KLHDC3: variants seen among roughly 807,000 people sequenced by gnomAD.
KLHDC3 encodes kelch domain containing 3.
In KLHDC3, 5 loss-of-function variants were observed where a neutral mutation model predicts 44.1. That is an observed-to-expected ratio of 0.11 (90% CI 0.06 to 0.24). The LOEUF is 0.24. Ranked by LOEUF, KLHDC3 falls within the 10% of genes least tolerant of loss-of-function variation. The pLI is 1.00. For missense variants in KLHDC3, 247 were observed against 514.3 expected (o/e 0.48, Z 5.03); for synonymous variants, 170 against 189.0 (o/e 0.90, Z 0.82).
chr6:43,020,395 C>G (rs1209636062), intron 10 of KLHDC3, among the ~76,000 whole-genome samples: 1 of 152,120 alleles, frequency 6.6e-6, no homozygotes, highest in Non-Finnish European at 1.5e-5. Context: ...ATACACAGAT[C>G]TCAGGTGCCT....
rs1762500723 is a variant in KLHDC3, at chr6:43,014,281, G to C, written c.-127G>C. 1.3e-6 allele frequency: 1 copy of C among 779,452 alleles called. No individual in the cohort carries two copies. The allele number at this position is 779,452 out of a possible 1,614,324, so 48.3% of individuals were successfully genotyped here. A position where few individuals can be genotyped will look rare whatever the true frequency, so the allele number is the denominator to read the frequency against. On this transcript the variant is annotated 5_prime_UTR_variant, in exon 1 of 11. Coordinates refer to ENST00000326974, the MANE Select transcript of KLHDC3 (RefSeq NM_057161.4). ...TCGTTGGGGACTAAGGCGTCGGTTGGCGCGCAACGGGTTCTAGGCTGCAGG... is the reference window on the plus strand; with the variant it reads ...TCGTTGGGGACTAAGGCGTCGGTTGCCGCGCAACGGGTTCTAGGCTGCAGG...
In KLHDC3 at chr6:43,017,805, G is replaced by A; in HGVS notation, c.332-48G>A. 3 of 1,587,066 alleles carry A rather than the reference G, an allele frequency of 1.9e-6. No homozygotes were observed. ...GTAGAGTACCCCAGAGCTGAGGAGG[G>A]ACTGTCATAGAGGGTGCTTAGTTGA... On this transcript the variant is annotated intron_variant, in intron 3 of 10. Coordinates refer to ENST00000326974, the MANE Select transcript of KLHDC3 (RefSeq NM_057161.4). The surrounding 1 kb of genome is among the most constrained non-coding windows in gnomAD (Gnocchi z 6.0).
intron 1 of KLHDC3, among the ~76,000 whole-genome samples, chr6:43,015,432 T>C (rs1161538331): frequency 6.6e-6 from 1 of 152,154 alleles, no homozygotes; most frequent in Admixed American, 6.6e-5. Context: ...AGGGAGCAGA[T>C]GATGATACAC....
chr6:43,017,578 G>A lies in KLHDC3; in HGVS notation c.214G>A (p.Val72Met). 6.2e-7 allele frequency: 1 copy of A among 1,613,792 alleles called. No individual in the cohort carries two copies. Among genetic ancestry groups the A allele is most frequent in the Non-Finnish European group, 8.5e-7 (1 of 1,179,824 alleles). Reference protein sequence around the residue: ...VKSAIRGQAPVVPYMRYGHST... With the variant: ...VKSAIRGQAPMVPYMRYGHST... Reference sequence around the variant, plus strand: ...GTCTGCCATCCGTGGGCAAGCTCCTGTGGTACCCTACATGCGCTATGGACA... The same window carrying A: ...GTCTGCCATCCGTGGGCAAGCTCCTATGGTACCCTACATGCGCTATGGACA... The change falls in exon 3 of 11, where the codon GTG becomes ATG. Residue 72 changes from valine (V) to methionine (M), a missense_variant. Around this residue, in one of 2 missense-constraint regions of KLHDC3, gnomAD observed 71 missense variants for 100.8 expected, o/e 0.70. Coordinates refer to ENST00000326974, the MANE Select transcript of KLHDC3 (RefSeq NM_057161.4). This position sits in a 1 kb window ranked among gnomAD's most constrained non-coding sequence, Gnocchi z 6.0.
In KLHDC3 at chr6:43,017,492, C is replaced by G. The variant is rs779328559; in HGVS notation, c.155-27C>G. 1.1e-5 allele frequency: 18 copies of G among 1,570,040 alleles called. No homozygotes were observed. Among genetic ancestry groups the G allele is most frequent in the African/African-American group, 2.7e-5 (2 of 74,068 alleles). On this transcript the variant is annotated intron_variant, in intron 2 of 10. Coordinates refer to ENST00000326974, the MANE Select transcript of KLHDC3 (RefSeq NM_057161.4). This position sits in a 1 kb window ranked among gnomAD's most constrained non-coding sequence, Gnocchi z 6.0. Reference sequence around the variant, plus strand: ...AGTGGACAGCCTGGAGGGAGGTTCCCAGGGCTGAGCAGAGCTGTGCCCACA... The same window carrying G: ...AGTGGACAGCCTGGAGGGAGGTTCCGAGGGCTGAGCAGAGCTGTGCCCACA...
chr6:43,017,386 G>A lies in KLHDC3; in HGVS notation c.154+40G>A. On this transcript the variant is annotated intron_variant, in intron 2 of 10. Transcript: ENST00000326974. This position sits in a 1 kb window ranked among gnomAD's most constrained non-coding sequence, Gnocchi z 6.0. ...GGGCTGTCCCTGGGTCCCCACATCA[G>A]GGTGGGAACGGGCTGCTGATGAGGT... The A allele has an allele frequency of 1.3e-6, 2 of 1,591,138 alleles. No individual in the cohort carries two copies. Among genetic ancestry groups the A allele is most frequent in the Non-Finnish European group, 1.7e-6 (2 of 1,165,242 alleles).
Position 43,020,126 on chromosome 6 carries a change from A to G in KLHDC3, c.1083-541A>G, listed in dbSNP as rs925775150. On this transcript the variant is annotated intron_variant, in intron 10 of 10. Transcript: ENST00000326974. ...GGGAGGCGGGGGTTTCAGTGAGTCA[A>G]GATTGTGCCACTGCACCACTGTACT... Among the ~76,000 whole-genome samples, 6 of 152,280 alleles carry G rather than the reference A, an allele frequency of 3.9e-5. No individual in the cohort carries two copies. The South Asian group carries it at 1.2e-3, about 32-fold the overall frequency.
chr6:43,018,706 G>A lies in KLHDC3; in HGVS notation c.807G>A (p.Trp269Ter). 6.2e-7 allele frequency: 1 copy of A among 1,613,934 alleles called. No homozygotes were observed. The highest frequency in any genetic ancestry group is 8.5e-7 in the Non-Finnish European group (1 of 1,179,886). Residue 269 changes from tryptophan to a stop codon, truncating the protein, a stop_gained, in exon 7 of 11, where the codon TGG becomes TGA. Coordinates refer to ENST00000326974, the MANE Select transcript of KLHDC3 (RefSeq NM_057161.4). LOFTEE classifies it high-confidence loss of function. The surrounding 1 kb of genome is among the most constrained non-coding windows in gnomAD (Gnocchi z 6.0). ...TGAACCGGCACTTCCATGACCTCTG[G>A]AAGTTTAATCCTGGTAAAGAGCACT... The part of the protein sequence containing the change: ...ARLNRHFHDL[W>*]KFNPVSFTWK...
Position 43,017,738 on chromosome 6 carries a change from C to T in KLHDC3, c.331+43C>T, listed in dbSNP as rs1237839521. ...AGAGGCTATGTCCTTCCAGATGTTG[C>T]CTCAGTTGCCCAAGAAAGGTTTGGG... is the stretch of plus-strand genomic sequence containing the variant. On this transcript the variant is annotated intron_variant, in intron 3 of 10. Transcript: ENST00000326974. The surrounding 1 kb of genome is among the most constrained non-coding windows in gnomAD (Gnocchi z 6.0). 1.2e-6 allele frequency: 2 copies of T among 1,601,898 alleles called. No individual in the cohort carries two copies. The highest frequency in any genetic ancestry group is 1.7e-6 in the Non-Finnish European group (2 of 1,171,334).
rs1402489995 is a variant in KLHDC3, at chr6:43,017,817, G to C, written c.332-36G>C. The C allele has an allele frequency of 1.3e-6, 2 of 1,593,912 alleles. No homozygotes were observed. The highest frequency in any genetic ancestry group is 4.5e-5 in the East Asian group (2 of 44,738). ...AGAGCTGAGGAGGGACTGTCATAGA[G>C]GGTGCTTAGTTGAGCCATTTTCTCA... is the stretch of plus-strand genomic sequence containing the variant. On this transcript the variant is annotated intron_variant, in intron 3 of 10. Coordinates refer to ENST00000326974, the MANE Select transcript of KLHDC3 (RefSeq NM_057161.4). The surrounding 1 kb of genome is among the most constrained non-coding windows in gnomAD (Gnocchi z 6.0).
Position 43,015,587 on chromosome 6 carries a change from C to T in KLHDC3, c.-60+1239C>T, listed in dbSNP as rs1426002368. Among the ~76,000 whole-genome samples the T allele has an allele frequency of 5.3e-5, 8 of 152,136 alleles. No homozygotes were observed. The East Asian group carries it at 9.7e-4, about 18-fold the overall frequency. On this transcript the variant is annotated intron_variant, in intron 1 of 10. Coordinates refer to ENST00000326974, the MANE Select transcript of KLHDC3 (RefSeq NM_057161.4). ...ATGACCAGCTGGGCATGGTGGCTCA[C>T]GCCTGTAATCCCAGCACTTCAGGAG...
chr6:43,014,463 G>A, intron 1 of KLHDC3, 115 bp downstream of exon 1: 1 of 532,458 alleles, frequency 1.9e-6, no homozygotes, highest in Non-Finnish European at 3.6e-6. Flanking sequence ...TGGGGAGGGA[G>A]CTAGGGGGAT....
intron 1 of KLHDC3, among the ~76,000 whole-genome samples, chr6:43,015,877 CA>C (rs1412433507): frequency 7.0e-6 from 1 of 143,506 alleles, no homozygotes; most frequent in African/African-American, 2.8e-5. Context: ...AAAAAAAGAC[CA>C]TGACTTCTCA....
Position 43,020,838 on chromosome 6 carries a change from C to T in KLHDC3, c.*105C>T, listed in dbSNP as rs1581880680. On this transcript the variant is annotated 3_prime_UTR_variant, in exon 11 of 11. Coordinates refer to ENST00000326974, the MANE Select transcript of KLHDC3 (RefSeq NM_057161.4). ...TTGACCCCTGGACTTGGTATACCTC[C>T]ATGTGGAGTTGTTGGGCGAGAGGTG... is the stretch of plus-strand genomic sequence containing the variant. 2 of 882,498 alleles carry T rather than the reference C, an allele frequency of 2.3e-6. No individual in the cohort carries two copies. The allele number at this position is 882,498 out of a possible 1,614,324, so 54.7% of individuals were successfully genotyped here.
chr6:43,015,255 C>T (rs988267084), intron 1 of KLHDC3, among the ~76,000 whole-genome samples: 6 of 152,154 alleles, frequency 3.9e-5, no homozygotes, highest in Admixed American at 3.9e-4. Context: ...AGGATGGGTC[C>T]CATGGCTATT....
In KLHDC3 at chr6:43,014,335, G is replaced by A; in HGVS notation, c.-73G>A. The A allele has an allele frequency of 1.6e-6, 1 of 615,780 alleles. No individual in the cohort carries two copies. Among genetic ancestry groups the A allele is most frequent in the Non-Finnish European group, 2.9e-6 (1 of 345,356 alleles). The allele number at this position is 615,780 out of a possible 1,614,324, so 38.1% of individuals were successfully genotyped here. A position where few individuals can be genotyped will look rare whatever the true frequency, so the allele number is the denominator to read the frequency against. On this transcript the variant is annotated 5_prime_UTR_variant, in exon 1 of 11. Transcript: ENST00000326974. ...CTCGAGGACCCGCGGCCCCGCCCCG[G>A]CTCGGCCTGGCAGGTAGCCTGGGAT...
rs768663969 is a variant in KLHDC3 at position 43,018,757 on chromosome 6, A to G, written c.820+38A>G. ...GCATTTAGGGCAGGAACAAGGAGCAATTGAGGTGGGAGGAAAAGAAAATAA... is the reference window on the plus strand; with the variant it reads ...GCATTTAGGGCAGGAACAAGGAGCAGTTGAGGTGGGAGGAAAAGAAAATAA... On this transcript the variant is annotated intron_variant, in intron 7 of 10. Transcript: ENST00000326974. The surrounding 1 kb of genome is among the most constrained non-coding windows in gnomAD (Gnocchi z 6.0). 3.8e-6 allele frequency: 6 copies of G among 1,588,372 alleles called. No individual in the cohort carries two copies. The Admixed American group carries it at 5.0e-5, about 13-fold the overall frequency.
At chr6:43,016,978 G>A in intron 1 of KLHDC3, 156 bp from the exon 2 acceptor site, 1 of 602,780 alleles carries the variant, frequency 1.7e-6, no homozygotes, top group Non-Finnish European at 2.9e-6. Flanking sequence ...TTGGGGCAGG[G>A]CCAGCCACCT....
In KLHDC3 at chr6:43,018,497, C is replaced by T. The variant is rs765039889; in HGVS notation, c.674C>T (p.Ala225Val). ...CGAGTCTTTGACACCAGAACTGAGG[C>T]TTGGCTGGACTGTCCCCCGACTCCA... ...RIRVFDTRTE[A>V]WLDCPPTPVL... The change falls in exon 6 of 11, where the codon GCT (alanine) becomes GTT (valine). Residue 225 changes from alanine (A) to valine (V), a missense_variant. Ala to Val is a moderately conservative substitution (Grantham distance 64). Transcript: ENST00000326974. The surrounding 1 kb of genome is among the most constrained non-coding windows in gnomAD (Gnocchi z 6.0). 3.7e-6 allele frequency: 6 copies of T among 1,614,198 alleles called. No homozygotes were observed. The Admixed American group carries it at 8.3e-5, about 22-fold the overall frequency.
Sources: allele counts gnomAD v4.1 joint callset (sites outside exome capture counted in the v4.1 genomes callset), GRCh38; gene constraint gnomAD v4.1.1; regional missense constraint gnomAD v4.1.1; non-coding constraint Gnocchi (gnomAD v3.1); transcripts MANE v1.5; gene names NCBI Gene and HGNC (gene_info 2026-07-23, HGNC 2026-07-21).